Variants in BCAT1 observed in about 807,000 individuals in gnomAD.
The protein encoded by BCAT1 is branched-chain-amino-acid aminotransferase, cytosolic.
BCAT1 carries 48 observed loss-of-function variants against 52.4 expected under a neutral mutation model. The ratio of observed to expected loss-of-function variants is 0.92; its 90% CI spans 0.73 to 1.16. BCAT1 has a LOEUF of 1.16. BCAT1 is among the 50% of genes most tolerant of loss of function. The pLI is 0.00. For synonymous variants in BCAT1, 167 were observed against 161.3 expected, an observed-to-expected ratio of 1.04 and a Z score of -0.27; for missense variants, 451 against 457.1, an observed-to-expected ratio of 0.99 and a Z score of 0.12.
chr12:24,918,651 T>G (rs1943454937), intron 1 of BCAT1, among the ~76,000 whole-genome samples: 1 of 152,164 alleles, frequency 6.6e-6, no homozygotes, highest in African/African-American at 2.4e-5. Flanking sequence ...AATTTGATTT[T>G]CAGAAGTATA....
chr12:24,887,080 A>AAATATAT (rs1245203518), intron 3 of BCAT1, among the ~76,000 whole-genome samples: 8 of 40,744 alleles, frequency 2.0e-4, no homozygotes, highest in African/African-American at 5.4e-4. Flanking sequence ...AAAAAAAAAA[A>AAATATAT]ATATATATAT....
At chr12:24,858,565 T>G (rs1212459895) in intron 5 of BCAT1, among the ~76,000 whole-genome samples, 1 of 152,238 alleles carries the variant, frequency 6.6e-6, no homozygotes, top group African/African-American at 2.4e-5. Flanking sequence ...CATGTGGAGT[T>G]GGCCATGCCC....
intron 10 of BCAT1, among the ~76,000 whole-genome samples, chr12:24,828,229 A>G (rs1351225691): frequency 6.6e-6 from 1 of 152,228 alleles, no homozygotes; most frequent in African/African-American, 2.4e-5. Context: ...GGATATTTTT[A>G]CTAATTGACA....
At chr12:24,910,104 T>G (rs976342600) in intron 1 of BCAT1, among the ~76,000 whole-genome samples, 3 of 152,218 alleles carry the variant, frequency 2.0e-5, no homozygotes, top group Non-Finnish European at 4.4e-5. Context: ...CCATGCACAG[T>G]GGCTCACACC....
intron 1 of BCAT1, among the ~76,000 whole-genome samples, chr12:24,934,331 A>G (rs1428482923): frequency 1.3e-5 from 2 of 152,212 alleles, no homozygotes; most frequent in African/African-American, 4.8e-5. Flanking sequence ...CTTTCTGGCC[A>G]TGATGAACTG....
chr12:24,869,179 A>C (rs1047302689), intron 5 of BCAT1, among the ~76,000 whole-genome samples: 1 of 152,220 alleles, frequency 6.6e-6, no homozygotes, highest in African/African-American at 2.4e-5. Flanking sequence ...AAATACATAC[A>C]CCACTGATGG....
At position 24,948,918 on chromosome 12, in the gene BCAT1, A is replaced by C; in HGVS notation, c.6+9T>G. ...TTTGTAAAACACGGACAAAACCATA[A>C]GTAGTTACCTTCATTGTTCCGTCGG... On this transcript the variant is annotated intron_variant, in intron 1 of 10. Transcript: ENST00000261192. The C allele has an allele frequency of 1.9e-6, 3 of 1,596,878 alleles. No individual in the cohort carries two copies. The highest frequency in any genetic ancestry group is 2.3e-5 in the East Asian group (1 of 44,296).
chr12:24,902,130 G>A (rs1036287613), intron 1 of BCAT1: 42 of 1,448,466 alleles, frequency 2.9e-5, no homozygotes, highest in Middle Eastern at 2.5e-4. Flanking sequence ...GCCGGCTCAG[G>A]GAAGACTGGT....
In BCAT1 at chr12:24,817,995, C is replaced by T. The variant is rs1939946801; in HGVS notation, c.*13G>A. ...GGTATCCTCTATTTTCCATTGTATC[C>T]TCTATTTTCCATTCAGGATAGCACA... On this transcript the variant is annotated 3_prime_UTR_variant, in exon 11 of 11. Transcript: ENST00000261192. The T allele has an allele frequency of 6.2e-7, 1 of 1,612,294 alleles. No individual in the cohort carries two copies. Among genetic ancestry groups the T allele is most frequent in the Non-Finnish European group, 8.5e-7 (1 of 1,178,766 alleles).
intron 1 of BCAT1, among the ~76,000 whole-genome samples, chr12:24,932,769 T>A (rs1471486574): frequency 1.3e-5 from 2 of 152,304 alleles, no homozygotes; most frequent in East Asian, 3.9e-4. Flanking sequence ...CCTGAGTAGC[T>A]GGGATTACAG....
At chr12:24,924,490 C>G (rs1038645407) in intron 1 of BCAT1, among the ~76,000 whole-genome samples, 1 of 152,078 alleles carries the variant, frequency 6.6e-6, no homozygotes, top group Non-Finnish European at 1.5e-5. Flanking sequence ...ATGCAGGAAC[C>G]AATGCATATC....
chr12:24,856,592 T>C (rs142070271), intron 5 of BCAT1, among the ~76,000 whole-genome samples: 7 of 151,948 alleles, frequency 4.6e-5, no homozygotes, highest in Admixed American at 2.6e-4. Context: ...AGAGAGGACA[T>C]AGGGAGAAGG....
At chr12:24,902,919 C>T (rs775705424) in intron 1 of BCAT1, 26 of 1,511,782 alleles carry the variant, frequency 1.7e-5, no homozygotes, top group Non-Finnish European at 2.2e-5. Flanking sequence ...ATCCTCCCCC[C>T]TTCCGCAAAC....
Position 24,903,043 on chromosome 12 carries a change from G to T in BCAT1, c.7-1158C>A, listed in dbSNP as rs747766902. The T allele has an allele frequency of 1.9e-5, 26 of 1,395,742 alleles. No homozygotes were observed. In the South Asian group the frequency reaches 3.9e-4, roughly 21 times the overall value. The allele number at this position is 1,395,742 out of a possible 1,614,324, so 86.5% of individuals were successfully genotyped here. A position where few individuals can be genotyped will look rare whatever the true frequency, so the allele number is the denominator to read the frequency against. On this transcript the variant is annotated intron_variant, in intron 1 of 10. Coordinates refer to ENST00000261192, the MANE Select transcript of BCAT1 (RefSeq NM_005504.7). ...AGAGCGGCAGTGGCACGGAGCGCGC[G>T]GCTGGAAGCGAAAGCAGGCGGTGTG...
intron 1 of BCAT1, among the ~76,000 whole-genome samples, chr12:24,938,735 C>T (rs566952077): frequency 6.6e-6 from 1 of 152,116 alleles, no homozygotes. Flanking sequence ...GGTCTTCTTT[C>T]GTGATTCTGC....
chr12:24,836,563 A>T lies in BCAT1; in HGVS notation c.851T>A (p.Ile284Asn), dbSNP rs760168308. The T allele has an allele frequency of 7.2e-5, 116 of 1,613,004 alleles. No homozygotes were observed. The highest frequency in any genetic ancestry group is 9.7e-5 in the Non-Finnish European group (114 of 1,179,598). Residue 284 changes from isoleucine to asparagine, a missense_variant, in exon 8 of 11, where the codon ATC (isoleucine) becomes AAC (asparagine). Transcript: ENST00000261192. ...EELATPPLDGIILPGVTRRCI... is the reference protein window; with the variant it reads ...EELATPPLDGNILPGVTRRCI... ...CCGCCTTGTCACTCCTGGAAGAATG[A>T]TGCCATCTAGTGGAGGAGTTGCCAG...
At chr12:24,900,802 A>T (rs190924151) in intron 2 of BCAT1, among the ~76,000 whole-genome samples, 1 of 152,260 alleles carries the variant, frequency 6.6e-6, no homozygotes, top group Non-Finnish European at 1.5e-5. Context: ...GTGATGGCAC[A>T]TGCCTGTAAT....
intron 9 of BCAT1, among the ~76,000 whole-genome samples, chr12:24,831,891 C>G (rs1166924784): frequency 6.6e-6 from 1 of 151,758 alleles, no homozygotes; most frequent in Non-Finnish European, 1.5e-5. Context: ...AAAAGTATGG[C>G]ACATATAAAA....
intron 4 of BCAT1, 138 bp downstream of exon 4, chr12:24,881,163 T>C: frequency 1.5e-6 from 1 of 647,068 alleles, no homozygotes. Flanking sequence ...CTAACTAAAG[T>C]AGATCAGAAA....
Sources: allele counts gnomAD v4.1 joint callset (sites outside exome capture counted in the v4.1 genomes callset), GRCh38; gene constraint gnomAD v4.1.1; transcripts MANE v1.5; gene names NCBI Gene and HGNC (gene_info 2026-07-23, HGNC 2026-07-21).